Variants in CAPN7 observed in about 807,000 individuals in gnomAD.
CAPN7 encodes calpain 7, also known as calpain-7.
In CAPN7, 72 loss-of-function variants were observed where a neutral mutation model predicts 115.2. The ratio of observed to expected loss-of-function variants is 0.63; its 90% CI spans 0.52 to 0.76. CAPN7 has a LOEUF of 0.76. Among genes scored for constraint, CAPN7 ranks in the 30% least tolerant of loss-of-function variants. The pLI is 0.00. For missense variants in CAPN7, 905 were observed against 971.5 expected, an observed-to-expected ratio of 0.93 and a Z score of 0.91; for synonymous variants, 344 against 322.3, an observed-to-expected ratio of 1.07 and a Z score of -0.72.
intron 14 of CAPN7, 35 bp downstream of exon 14, chr3:15,240,888 A>G: frequency 7.9e-7 from 1 of 1,265,946 alleles, no homozygotes; most frequent in Non-Finnish European, 1.1e-6. Flanking sequence ...ATGCTTTATA[A>G]TAGCATCCAC....
chr3:15,238,849 A>ATTTTTTTTT (rs59838740), intron 12 of CAPN7, among the ~76,000 whole-genome samples: 317 of 113,922 alleles, frequency 2.8e-3, no homozygotes, highest in East Asian at 5.7e-3. Flanking sequence ...GCAAAATCAA[A>ATTTTTTTTT]TTTTTTTTTT....
intron 6 of CAPN7, among the ~76,000 whole-genome samples, chr3:15,224,554 T>G (rs1200331025): frequency 1.3e-5 from 2 of 152,018 alleles, no homozygotes; most frequent in Admixed American, 1.3e-4. Context: ...ATTACAGATG[T>G]GAGCCACTGT....
chr3:15,240,628 C>T lies in CAPN7; in HGVS notation c.1552+11C>T. ...AGAAAATAGACAACGGTAAATATAT[C>T]TTTTTAATTTTAATACCATTTATTC... On this transcript the variant is annotated intron_variant, in intron 13 of 20. Coordinates refer to ENST00000253693, the MANE Select transcript of CAPN7 (RefSeq NM_014296.3). 1.3e-6 allele frequency: 2 copies of T among 1,580,312 alleles called. No homozygotes were observed. Among genetic ancestry groups the T allele is most frequent in the South Asian group, 2.4e-5 (2 of 84,784 alleles).
At chr3:15,208,984 A>G (rs2044784726) in intron 1 of CAPN7, among the ~76,000 whole-genome samples, 1 of 152,132 alleles carries the variant, frequency 6.6e-6, no homozygotes, top group African/African-American at 2.4e-5. Context: ...TTTCAGATTA[A>G]TATTTTGTTG....
At chr3:15,235,277 A>C in intron 12 of CAPN7, 132 bp downstream of exon 12, 1 of 734,466 alleles carries the variant, frequency 1.4e-6, no homozygotes, top group Middle Eastern at 3.3e-4. Context: ...TTTCACCTAC[A>C]TTAACTTGAT....
Position 15,235,093 on chromosome 3 carries a change from G to A in CAPN7, c.1355G>A (p.Trp452Ter), listed in dbSNP as rs1373523583. ...GMMTEAEGEKWGLVPTHAYAV... is the reference protein window; with the variant it reads ...GMMTEAEGEK ...ATGACAGAAGCTGAAGGAGAGAAGTGGGGTCTGGTTCCCACACACGCATAT... is the reference window on the plus strand; with the variant it reads ...ATGACAGAAGCTGAAGGAGAGAAGTAGGGTCTGGTTCCCACACACGCATAT... Residue 452 changes from tryptophan (W) to a stop codon, truncating the protein, a stop_gained, in exon 12 of 21, where the codon TGG becomes TAG. Transcript: ENST00000253693. LOFTEE classifies it high-confidence loss of function. The A allele has an allele frequency of 1.9e-6, 3 of 1,613,532 alleles. No homozygotes were observed. In the Admixed American group the frequency reaches 5.0e-5, roughly 27 times the overall value.
chr3:15,226,231 C>T (rs1298662003), intron 6 of CAPN7, among the ~76,000 whole-genome samples: 2 of 152,020 alleles, frequency 1.3e-5, no homozygotes, highest in Middle Eastern at 3.4e-3. Context: ...GCCCACCACA[C>T]GCCCGACTAA....
chr3:15,249,025 C>CAAAAAAAAAAAAAAAAAAAAA (rs59492817), intron 19 of CAPN7, among the ~76,000 whole-genome samples: 4 of 130,760 alleles, frequency 3.1e-5, no homozygotes, highest in East Asian at 2.2e-4. Context: ...AAAAAAAAAA[C>CAAAAAAAAAAAAAAAAAAAAA]AAAAACAGAA....
Position 15,241,564 on chromosome 3 carries a change from G to A in CAPN7, c.1764G>A (p.Leu588=). The A allele has an allele frequency of 1.2e-6, 2 of 1,613,984 alleles. 1 individual carries two copies. The highest frequency in any genetic ancestry group is 3.3e-4 in the Middle Eastern group (2 of 6,054). The part of the protein sequence containing the change: ...CPQGGAAVWV[L]LSRHITDKDD... The stretch of plus-strand genomic sequence containing the variant: ...AGGGGGGTGCTGCAGTTTGGGTTTT[G>A]CTTAGTAGACACATAACAGACAAGG... Residue 588 remains leucine (L), a synonymous_variant, in exon 15 of 21, where the codon TTG becomes TTA. Coordinates refer to ENST00000253693, the MANE Select transcript of CAPN7 (RefSeq NM_014296.3).
At position 15,240,434 on chromosome 3, in the gene CAPN7, T is replaced by A. The variant is rs6790505; in HGVS notation, c.1408-39T>A. ...GAGAACTAATATGGTAAAAACTGTT[T>A]TACAACTTAATGTTATCTCCTGTTT... On this transcript the variant is annotated intron_variant, in intron 12 of 20. Coordinates refer to ENST00000253693, the MANE Select transcript of CAPN7 (RefSeq NM_014296.3). The A allele has an allele frequency of 0.02, 31,125 of 1,587,498 alleles. 5,027 individuals carry two copies. In the African/African-American group the frequency reaches 0.36, roughly 18 times the overall value.
chr3:15,206,412 C>G lies in CAPN7; in HGVS notation c.-84C>G. The G allele has an allele frequency of 9.4e-7, 1 of 1,063,886 alleles. No individual in the cohort carries two copies. The highest frequency in any genetic ancestry group is 1.4e-6 in the Non-Finnish European group (1 of 730,088). The allele number at this position is 1,063,886 out of a possible 1,614,324, so 65.9% of individuals were successfully genotyped here. On this transcript the variant is annotated 5_prime_UTR_variant, in exon 1 of 21. Coordinates refer to ENST00000253693, the MANE Select transcript of CAPN7 (RefSeq NM_014296.3). ...TCCTTCCGCGGCGCTCCCGAGTCCTCGCCGCCGCCGGGCCGCCGCAGTCCG... is the reference window on the plus strand; with the variant it reads ...TCCTTCCGCGGCGCTCCCGAGTCCTGGCCGCCGCCGGGCCGCCGCAGTCCG...
At chr3:15,215,248 C>T (rs1464864263) in intron 2 of CAPN7, among the ~76,000 whole-genome samples, 1 of 152,022 alleles carries the variant, frequency 6.6e-6, no homozygotes, top group African/African-American at 2.4e-5. Context: ...GCCTGGGCAA[C>T]CTAGTGAGAC....
intron 2 of CAPN7, among the ~76,000 whole-genome samples, chr3:15,216,595 A>T (rs569929802): frequency 6.6e-6 from 1 of 152,344 alleles, no homozygotes; most frequent in East Asian, 1.9e-4. Flanking sequence ...ATGAAAATAC[A>T]TAACATATTC....
chr3:15,243,692 A>G (rs1695488691), intron 16 of CAPN7, among the ~76,000 whole-genome samples: 1 of 152,194 alleles, frequency 6.6e-6, no homozygotes, highest in African/African-American at 2.4e-5. Flanking sequence ...TGAGAAATCA[A>G]ATGAGATTAG....
rs1212755600 is a variant in CAPN7, at chr3:15,242,235, A to G, written c.1846A>G (p.Lys616Glu). 3 of 1,595,908 alleles carry G rather than the reference A, an allele frequency of 1.9e-6. No homozygotes were observed. The highest frequency in any genetic ancestry group is 2.6e-6 in the Non-Finnish European group (3 of 1,172,988). The change falls in exon 16 of 21, where the codon AAA becomes GAA. Residue 616 changes from lysine (K) to glutamate (E), a missense_variant. Around this residue, in one of 3 missense-constraint regions of CAPN7, gnomAD observed 620 missense variants for 703.4 expected, o/e 0.88. Transcript: ENST00000253693. ...ITMVVYKTDG[K>E]KVYYPADPPP... ...AATGGTTGTATACAAGACTGATGGGAAAAAAGTTTATTACCCAGGTATGTT... is the reference window on the plus strand; with the variant it reads ...AATGGTTGTATACAAGACTGATGGGGAAAAAGTTTATTACCCAGGTATGTT...
chr3:15,211,750 C>A (rs559431573), intron 1 of CAPN7, among the ~76,000 whole-genome samples: 4 of 152,142 alleles, frequency 2.6e-5, no homozygotes, highest in Admixed American at 2.6e-4. Flanking sequence ...CAAAAATTAA[C>A]CAGGTATGGT....
rs113429852 is a variant in CAPN7 at position 15,223,365 on chromosome 3, T to A, written c.639-110T>A. On this transcript the variant is annotated intron_variant, in intron 5 of 20. Transcript: ENST00000253693. ...TATATCAACAACATGAGGTTGTCAG[T>A]TTAATTTTAATACAGTATCATACCT... is the stretch of plus-strand genomic sequence containing the variant. 1,397 of 701,646 alleles carry A rather than the reference T, an allele frequency of 2.0e-3. 20 individuals are homozygous for A. In the African/African-American group the frequency reaches 0.023, roughly 11 times the overall value. 43.5% of individuals were successfully genotyped at this position (701,646 alleles called of 1,614,324 possible).
rs761271512 is a variant in CAPN7, at chr3:15,212,174, CTG to C, written c.174_175del (p.Glu59ValfsTer18). On this transcript the variant is annotated frameshift_variant, in exon 2 of 21. Transcript: ENST00000253693. LOFTEE classifies it high-confidence loss of function. ...CTAGAAAATATTCAAGAAAAAATAACTGAGTATCTGGAAAGAGTTCAAGCTCT... is the reference window on the plus strand; with the variant it reads ...CTAGAAAATATTCAAGAAAAAATAACAGTATCTGGAAAGAGTTCAAGCTCT... 7 of 1,609,006 alleles carry C rather than the reference CTG, an allele frequency of 4.4e-6. No individual in the cohort carries two copies. Among genetic ancestry groups the C allele is most frequent in the Admixed American group, 1.7e-5 (1 of 59,704 alleles).
intron 16 of CAPN7, among the ~76,000 whole-genome samples, chr3:15,242,582 G>A (rs1695412266): frequency 1.3e-5 from 2 of 152,168 alleles, no homozygotes; most frequent in Admixed American, 6.5e-5. Flanking sequence ...AAGCTCTTTA[G>A]CATGATATAT....
Sources: allele counts gnomAD v4.1 joint callset (sites outside exome capture counted in the v4.1 genomes callset), GRCh38; gene constraint gnomAD v4.1.1; regional missense constraint gnomAD v4.1.1; transcripts MANE v1.5; gene names NCBI Gene and HGNC (gene_info 2026-07-23, HGNC 2026-07-21).